ZNF704: variants seen among roughly 807,000 people sequenced by gnomAD.
The protein encoded by ZNF704 is zinc finger protein 704.
A neutral mutation model predicts 44.7 loss-of-function variants in ZNF704; 10 were observed. That is an observed-to-expected ratio of 0.22 (90% CI 0.14 to 0.38). The LOEUF (loss-of-function observed/expected upper bound fraction) is 0.38. Ranked by LOEUF, ZNF704 falls within the 10% of genes least tolerant of loss-of-function variation. ZNF704 has a pLI of 1.00. For synonymous variants in ZNF704, 211 were observed against 207.6 expected, an observed-to-expected ratio of 1.02 and a Z score of -0.14; for missense variants, 390 against 545.5, an observed-to-expected ratio of 0.71 and a Z score of 2.84.
chr8:80,651,923 C>A (rs1001653344), intron 7 of ZNF704, among the ~76,000 whole-genome samples: 3 of 152,038 alleles, frequency 2.0e-5, no homozygotes, highest in African/African-American at 7.2e-5. Flanking sequence ...GGAAGTAAAG[C>A]ACTCCTCAGC....
At chr8:80,667,110 G>A (rs1208379264) in intron 5 of ZNF704, among the ~76,000 whole-genome samples, 1 of 152,184 alleles carries the variant, frequency 6.6e-6, no homozygotes, top group Non-Finnish European at 1.5e-5. Context: ...ACACACCAGG[G>A]AGAAGTGACA....
Position 80,714,286 on chromosome 8 carries a change from C to G in ZNF704, c.222-21179G>C, listed in dbSNP as rs1414392435. On this transcript the variant is annotated intron_variant, in intron 2 of 8. Transcript: ENST00000327835. ...TGTATCCCTAGAGCTGAACACAATG[C>G]CTGACATGTAGCATCCAACAAATAT... Among the ~76,000 whole-genome samples, 3 of 152,130 alleles carry G rather than the reference C, an allele frequency of 2.0e-5. No homozygotes were observed. The East Asian group carries it at 5.8e-4, about 29-fold the overall frequency.
intron 1 of ZNF704, among the ~76,000 whole-genome samples, chr8:80,848,769 T>A (rs1390654902): frequency 6.6e-6 from 1 of 150,458 alleles, no homozygotes; most frequent in Non-Finnish European, 1.5e-5. Context: ...TGAGACCCTG[T>A]CTCAAAAAAA....
intron 2 of ZNF704, chr8:80,812,095 A>G (rs1808094147): frequency 6.6e-6 from 1 of 152,444 alleles, no homozygotes; most frequent in African/African-American, 2.4e-5. Context: ...CAGCTGCTTT[A>G]TAGACAAGAA....
intron 5 of ZNF704, among the ~76,000 whole-genome samples, chr8:80,669,655 T>G (rs961825751): frequency 3.9e-5 from 6 of 152,232 alleles, no homozygotes; most frequent in Non-Finnish European, 8.8e-5. Flanking sequence ...TTCTCTGCAC[T>G]TATCTTGTGG....
intron 1 of ZNF704, among the ~76,000 whole-genome samples, chr8:80,841,309 C>A (rs1808674491): frequency 1.3e-5 from 2 of 152,228 alleles, no homozygotes; most frequent in Non-Finnish European, 1.5e-5. Flanking sequence ...GAAATTTAGG[C>A]CACAGCAGCA....
At chr8:80,724,418 C>T (rs1021149386) in intron 2 of ZNF704, among the ~76,000 whole-genome samples, 2 of 152,160 alleles carry the variant, frequency 1.3e-5, no homozygotes, top group African/African-American at 4.8e-5. Flanking sequence ...AACCATATAC[C>T]TTTTCTTTAG....
In ZNF704 at chr8:80,852,719, T is replaced by C. The variant is rs548947798; in HGVS notation, c.-22+21852A>G. 2.6e-5 allele frequency among the ~76,000 whole-genome samples: 4 copies of C among 152,318 alleles called. No individual in the cohort carries two copies. In the South Asian group the frequency reaches 8.3e-4, roughly 32 times the overall value. On this transcript the variant is annotated intron_variant, in intron 1 of 8. Coordinates refer to ENST00000327835, the MANE Select transcript of ZNF704 (RefSeq NM_001033723.3). Reference sequence around the variant, plus strand: ...TACTAATTCCCAAGTTTTCATTTGTTGTGCATCGAAAAAACACATAATCAC... The same window carrying C: ...TACTAATTCCCAAGTTTTCATTTGTCGTGCATCGAAAAAACACATAATCAC...
intron 1 of ZNF704, among the ~76,000 whole-genome samples, chr8:80,827,085 C>A (rs946645180): frequency 6.6e-5 from 10 of 152,062 alleles, no homozygotes; most frequent in Non-Finnish European, 1.3e-4. Context: ...GGCAATCAGG[C>A]AGAAGAAAGA....
intron 2 of ZNF704, among the ~76,000 whole-genome samples, chr8:80,695,263 C>T (rs1236581224): frequency 6.6e-6 from 1 of 152,226 alleles, no homozygotes; most frequent in Non-Finnish European, 1.5e-5. Context: ...GGGGCTCCTC[C>T]AACTGTCTGC....
intron 7 of ZNF704, among the ~76,000 whole-genome samples, chr8:80,656,841 A>C (rs796126929): frequency 2.7e-4 from 41 of 152,320 alleles, no homozygotes; most frequent in African/African-American, 9.6e-4. Flanking sequence ...TTAGAGTACA[A>C]GGATAAAGGT....
At chr8:80,764,174 G>A (rs968551741) in intron 2 of ZNF704, among the ~76,000 whole-genome samples, 1 of 152,124 alleles carries the variant, frequency 6.6e-6, no homozygotes, top group Admixed American at 6.6e-5. Context: ...CCCACTCTCT[G>A]TGGTACCAAT....
the ZNF704 span, among the ~76,000 whole-genome samples, chr8:80,881,986 G>A: frequency 2.6e-5 from 4 of 152,086 alleles, no homozygotes; most frequent in African/African-American, 7.2e-5. Flanking sequence ...TAAAAATAAA[G>A]AGTAAAAACT....
intron 3 of ZNF704, 51 bp from the exon 4 acceptor site, chr8:80,687,509 T>G: frequency 7.3e-7 from 1 of 1,361,084 alleles, no homozygotes; most frequent in South Asian, 1.5e-5. Flanking sequence ...TGCCCGGGCA[T>G]GGTTCAGTGG....
At chr8:80,860,195 A>T (rs1356147214) in intron 1 of ZNF704, among the ~76,000 whole-genome samples, 1 of 152,232 alleles carries the variant, frequency 6.6e-6, no homozygotes, top group Non-Finnish European at 1.5e-5. Context: ...GTGCAGGGCC[A>T]GCATCTTCTG....
intron 5 of ZNF704, among the ~76,000 whole-genome samples, chr8:80,668,607 C>T (rs1431436464): frequency 6.6e-6 from 1 of 152,192 alleles, no homozygotes; most frequent in Non-Finnish European, 1.5e-5. Context: ...GCCTGGGGGA[C>T]ACTGCGTGTC....
intron 1 of ZNF704, among the ~76,000 whole-genome samples, chr8:80,828,214 C>T (rs992086045): frequency 1.8e-4 from 28 of 152,124 alleles, no homozygotes; most frequent in African/African-American, 6.3e-4. Flanking sequence ...CCTTCTAAGG[C>T]CCTATGATAA....
intron 2 of ZNF704, among the ~76,000 whole-genome samples, chr8:80,815,369 G>T (rs562740867): frequency 1.3e-5 from 2 of 152,184 alleles, no homozygotes; most frequent in South Asian, 4.1e-4. Context: ...TTAGAAGACA[G>T]TTACTACTTT....
intron 2 of ZNF704, among the ~76,000 whole-genome samples, chr8:80,720,838 A>G (rs1819154056): frequency 6.6e-6 from 1 of 152,162 alleles, no homozygotes; most frequent in Non-Finnish European, 1.5e-5. Context: ...AGTCTCACCA[A>G]TCTCAGTCAT....
Sources: gnomAD v4.1 joint callset for allele counts (sites outside exome capture counted in the v4.1 genomes callset) on GRCh38, gnomAD v4.1.1 for gene constraint, MANE v1.5 for transcripts, NCBI Gene and HGNC (gene_info 2026-07-23, HGNC 2026-07-21) for gene names.